Variants in RGS6 observed in about 807,000 individuals in gnomAD.
RGS6 encodes the protein regulator of G protein signaling 6.
Under a neutral mutation model 78.5 loss-of-function variants are expected in RGS6, and 30 were observed. That is an observed-to-expected ratio of 0.38 (90% CI 0.29 to 0.52). The LOEUF is 0.52. Among genes scored for constraint, RGS6 ranks in the 20% least tolerant of loss-of-function variants. RGS6 has a pLI of 0.85. For missense variants in RGS6, 495 were observed against 609.7 expected, an observed-to-expected ratio of 0.81 and a Z score of 1.98; for synonymous variants, 206 against 206.0, an observed-to-expected ratio of 1.00 and a Z score of 0.00.
At chr14:72,622,674 G>A in the RGS6 span, among the ~76,000 whole-genome samples, 2 of 151,660 alleles carry the variant, frequency 1.3e-5, no homozygotes, top group Non-Finnish European at 2.9e-5. Context: ...ACCACCAAGA[G>A]CCCCCAGCTT....
intron 2 of RGS6, among the ~76,000 whole-genome samples, chr14:72,247,540 A>C (rs1032874762): frequency 7.9e-5 from 12 of 152,378 alleles, no homozygotes; most frequent in Middle Eastern, 6.8e-3. Context: ...AGATAGGTGA[A>C]ATCAACATGA....
At chr14:72,167,593 T>C (rs1390039536) in intron 2 of RGS6, among the ~76,000 whole-genome samples, 3 of 152,248 alleles carry the variant, frequency 2.0e-5, no homozygotes, top group Non-Finnish European at 4.4e-5. Flanking sequence ...GAAACTTTGC[T>C]GTGTGCCAGA....
At chr14:72,256,761 T>A (rs1302748902) in intron 2 of RGS6, among the ~76,000 whole-genome samples, 3 of 152,228 alleles carry the variant, frequency 2.0e-5, no homozygotes, top group Admixed American at 1.3e-4. Flanking sequence ...TGGAGTGAGC[T>A]ATTTTGCTGA....
downstream of RGS6, chr14:72,566,628 A>ATCTC: frequency 1.5e-5 from 1 of 66,072 alleles, no homozygotes; most frequent in African/African-American, 7.5e-5. Context: ...CTTCCCCATT[A>ATCTC]TCACACACAC....
intron 3 of RGS6, among the ~76,000 whole-genome samples, chr14:72,392,500 G>T (rs1270705859): frequency 1.3e-5 from 2 of 152,080 alleles, no homozygotes; most frequent in South Asian, 2.1e-4. Context: ...CACGCACCTG[G>T]CCCAAGAGTC....
chr14:72,049,659 T>A lies in RGS6; in HGVS notation c.84+84784T>A, dbSNP rs968180147. On this transcript the variant is annotated intron_variant, in intron 2 of 17. Transcript: ENST00000553525. ...GGCTACTGCATTCACCCTTAGGATCTCCTAATGAGCACAGTTAACAGTAGT... is the reference window on the plus strand; with the variant it reads ...GGCTACTGCATTCACCCTTAGGATCACCTAATGAGCACAGTTAACAGTAGT... Among the ~76,000 whole-genome samples, 10 of 152,264 alleles carry A rather than the reference T, an allele frequency of 6.6e-5. No homozygotes were observed. The South Asian group carries it at 8.3e-4, about 13-fold the overall frequency.
At chr14:72,172,406 G>A (rs527303784) in intron 2 of RGS6, among the ~76,000 whole-genome samples, 14 of 151,842 alleles carry the variant, frequency 9.2e-5, no homozygotes, top group Admixed American at 5.9e-4. Context: ...ACAAAAATTA[G>A]GTTGTGGTTT....
At chr14:72,508,736 A>G (rs1374638896) in intron 13 of RGS6, among the ~76,000 whole-genome samples, 6 of 152,028 alleles carry the variant, frequency 3.9e-5, no homozygotes, top group Non-Finnish European at 7.4e-5. Flanking sequence ...TGCTAGACCA[A>G]TGTTTCCCAA....
chr14:72,252,902 A>G (rs1021991088), intron 2 of RGS6, among the ~76,000 whole-genome samples: 1 of 152,172 alleles, frequency 6.6e-6, no homozygotes, highest in Non-Finnish European at 1.5e-5. Context: ...AACTGACTCA[A>G]ATATACTGGG....
At chr14:72,060,157 A>G (rs889835530) in intron 2 of RGS6, among the ~76,000 whole-genome samples, 6 of 152,092 alleles carry the variant, frequency 3.9e-5, no homozygotes, top group African/African-American at 1.4e-4. Context: ...ACTCCTTTCT[A>G]TTAGGTCTTT....
chr14:72,009,940 T>G (rs532405781), intron 2 of RGS6, among the ~76,000 whole-genome samples: 1 of 152,344 alleles, frequency 6.6e-6, no homozygotes, highest in African/African-American at 2.4e-5. Flanking sequence ...CCTGGCTTGG[T>G]ATTATGAAGC....
chr14:71,964,976 A>G, intron 2 of RGS6, 101 bp downstream of exon 2: 1 of 758,742 alleles, frequency 1.3e-6, no homozygotes, highest in East Asian at 2.9e-5. Context: ...AAACTGCCTT[A>G]CTGATAAATG....
Position 72,273,754 on chromosome 14 carries a change from T to G in RGS6, c.85-78341T>G, listed in dbSNP as rs923867201. On this transcript the variant is annotated intron_variant, in intron 2 of 17. Transcript: ENST00000553525. Reference sequence around the variant, plus strand: ...TCTTTGTAGTTGCTCAAGAAAGATCTTTGGGTGGCTGTGAGCAGATCTGAA... The same window carrying G: ...TCTTTGTAGTTGCTCAAGAAAGATCGTTGGGTGGCTGTGAGCAGATCTGAA... Among the ~76,000 whole-genome samples the G allele has an allele frequency of 2.6e-5, 4 of 152,152 alleles. No homozygotes were observed. The East Asian group carries it at 7.7e-4, about 29-fold the overall frequency.
intron 3 of RGS6, among the ~76,000 whole-genome samples, chr14:72,378,699 A>G (rs1401579506): frequency 2.0e-5 from 3 of 152,160 alleles, no homozygotes; most frequent in Non-Finnish European, 4.4e-5. Flanking sequence ...TCAGTAATAA[A>G]AAGTTTCCCA....
the RGS6 span, among the ~76,000 whole-genome samples, chr14:71,883,652 C>G: frequency 2.6e-5 from 4 of 152,162 alleles, no homozygotes; most frequent in Non-Finnish European, 4.4e-5. Flanking sequence ...GTCACAAAGA[C>G]CTTGCTGATA....
intron 2 of RGS6, among the ~76,000 whole-genome samples, chr14:72,022,790 A>T (rs2108710): frequency 0.78 from 119,267 of 152,126 alleles, 47,258 homozygotes; most frequent in South Asian, 0.89. Context: ...AATATTTGAG[A>T]TCTTTCATGC....
chr14:71,970,450 T>A (rs1012663130), intron 2 of RGS6, among the ~76,000 whole-genome samples: 1 of 152,108 alleles, frequency 6.6e-6, no homozygotes, highest in Non-Finnish European at 1.5e-5. Context: ...TAGGCATACA[T>A]CCAGAAAGTA....
intron 2 of RGS6, among the ~76,000 whole-genome samples, chr14:71,994,777 C>T (rs1038074941): frequency 2.0e-5 from 3 of 151,918 alleles, no homozygotes; most frequent in Admixed American, 6.6e-5. Context: ...CTGAACATAC[C>T]CTTCCCCAGA....
intron 2 of RGS6, among the ~76,000 whole-genome samples, chr14:72,142,099 C>T (rs991328319): frequency 3.9e-5 from 6 of 152,098 alleles, no homozygotes; most frequent in African/African-American, 1.4e-4. Flanking sequence ...CAGATAGTTA[C>T]TGTTAACGGT....
Sources: gnomAD v4.1 joint callset for allele counts (sites outside exome capture counted in the v4.1 genomes callset) on GRCh38, gnomAD v4.1.1 for gene constraint, MANE v1.5 for transcripts, NCBI Gene and HGNC (gene_info 2026-07-23, HGNC 2026-07-21) for gene names.